The following CELF2 variants were observed in gnomAD, a reference collection of about 807,000 sequenced individuals.
CELF2 encodes CUGBP Elav-like family member 2.
A neutral mutation model predicts 62.6 loss-of-function variants in CELF2; 8 were observed. The ratio of observed to expected loss-of-function variants is 0.13; its 90% CI spans 0.07 to 0.23. The LOEUF is 0.23. Ranked by LOEUF, CELF2 falls within the 10% of genes least tolerant of loss-of-function variation. The pLI, the probability that CELF2 is intolerant of heterozygous loss-of-function variation, is 1.00. For missense variants in CELF2, 333 were observed against 671.0 expected, an observed-to-expected ratio of 0.50 and a Z score of 5.56; for synonymous variants, 258 against 250.0, an observed-to-expected ratio of 1.03 and a Z score of -0.30.
Position 10,832,910 on chromosome 10 carries a change from A to G in CELF2, c.53+34093A>G, listed in dbSNP as rs546315222. On this transcript the variant is annotated intron_variant, in intron 1 of 13. Coordinates refer to the CELF2 transcript ENST00000636488. ...CTGTTATGAAAACTGGCTTTCTCAG[A>G]TATCCAAGAATCACCTTAGGACAGC... Among the ~76,000 whole-genome samples, 4 of 152,294 alleles carry G rather than the reference A, an allele frequency of 2.6e-5. No homozygotes were observed. In the East Asian group the frequency reaches 7.7e-4, roughly 29 times the overall value.
intron 9 of CELF2, among the ~76,000 whole-genome samples, chr10:11,295,831 A>G (rs1044885162): frequency 3.3e-4 from 50 of 152,184 alleles, no homozygotes; most frequent in African/African-American, 1.2e-3. Flanking sequence ...AGGAGAGAGC[A>G]TGCAAACCCC....
At chr10:10,465,891 G>T in the CELF2 span, among the ~76,000 whole-genome samples, 6 of 152,104 alleles carry the variant, frequency 3.9e-5, no homozygotes, top group East Asian at 1.2e-3. Context: ...GGTTATACCT[G>T]CCCCATGATT....
the CELF2 span, among the ~76,000 whole-genome samples, chr10:10,557,217 G>T: frequency 7.2e-6 from 1 of 138,702 alleles, no homozygotes; most frequent in Non-Finnish European, 1.5e-5. Flanking sequence ...TGTATAAGGT[G>T]TAAGGAAGGG....
chr10:10,907,560 C>T (rs1361772417), intron 1 of CELF2, among the ~76,000 whole-genome samples: 1 of 152,212 alleles, frequency 6.6e-6, no homozygotes, highest in Non-Finnish European at 1.5e-5. Flanking sequence ...CACCCACACT[C>T]ATGAGATGAG....
chr10:10,853,425 A>T (rs2059511802), intron 1 of CELF2, among the ~76,000 whole-genome samples: 1 of 152,068 alleles, frequency 6.6e-6, no homozygotes, highest in South Asian at 2.1e-4. Context: ...TAGTGAAAAG[A>T]TCTGGGGAAT....
At chr10:10,978,472 T>C (rs923369994) in intron 2 of CELF2, among the ~76,000 whole-genome samples, 5 of 152,222 alleles carry the variant, frequency 3.3e-5, no homozygotes, top group Non-Finnish European at 5.9e-5. Context: ...CAAGAACAGA[T>C]ATAGCCCATG....
chr10:10,839,625 C>G (rs1435013182), intron 1 of CELF2, among the ~76,000 whole-genome samples: 1 of 152,180 alleles, frequency 6.6e-6, no homozygotes, highest in Non-Finnish European at 1.5e-5. Flanking sequence ...TCCTTCATAG[C>G]CTTTGGTGAG....
intron 2 of CELF2, among the ~76,000 whole-genome samples, chr10:11,197,449 A>G (rs1269655534): frequency 1.3e-5 from 2 of 152,368 alleles, no homozygotes; most frequent in African/African-American, 2.4e-5. Flanking sequence ...ATGGTCCCTT[A>G]TTAAATGTCA....
Position 11,243,992 on chromosome 10 carries a change from A to G in CELF2, c.355-5161A>G, listed in dbSNP as rs1446680044. Among the ~76,000 whole-genome samples, 1 of 152,028 alleles carries G rather than the reference A, an allele frequency of 6.6e-6. No homozygotes were observed. The highest frequency in any genetic ancestry group is 1.5e-5 in the Non-Finnish European group (1 of 67,980). The stretch of plus-strand genomic sequence containing the variant: ...TAGGTAGATTGAATTAGCGACCACC[A>G]CATCACCTGGGCCCTCCCCCGTCTC... On this transcript the variant is annotated intron_variant, in intron 3 of 12. Coordinates refer to ENST00000633077, the MANE Select transcript of CELF2 (RefSeq NM_001326342.2). The surrounding 1 kb of genome is among the most constrained non-coding windows in gnomAD (Gnocchi z 4.1).
At chr10:10,670,478 T>C in the CELF2 span, among the ~76,000 whole-genome samples, 1 of 152,152 alleles carries the variant, frequency 6.6e-6, no homozygotes, top group Non-Finnish European at 1.5e-5. Context: ...GACAAAAAGG[T>C]ACAAAGAATT....
chr10:11,132,875 A>G lies in CELF2; in HGVS notation c.75-32611A>G, dbSNP rs141294894. On this transcript the variant is annotated intron_variant, in intron 1 of 12. Coordinates refer to ENST00000633077, the MANE Select transcript of CELF2 (RefSeq NM_001326342.2). ...TGAAATTGCTTTGTTTTAAGCACCA[A>G]TAGAGTTTCTTGACCTCAAAACAGG... Among the ~76,000 whole-genome samples, 687 of 152,292 alleles carry G rather than the reference A, an allele frequency of 4.5e-3. 3 individuals carry two copies. Among genetic ancestry groups the G allele is most frequent in the African/African-American group, 0.016 (656 of 41,564 alleles).
In CELF2 at chr10:11,207,131, T is replaced by C. The variant is rs1352523004; in HGVS notation, c.272-10294T>C. ...TACCTTTTCTATCTGTGTCGTGCTT[T>C]GGTGGAATTTACATAATCATGGGTG... On this transcript the variant is annotated intron_variant, in intron 2 of 12. Coordinates refer to ENST00000633077, the MANE Select transcript of CELF2 (RefSeq NM_001326342.2). The surrounding 1 kb of genome is among the most constrained non-coding windows in gnomAD (Gnocchi z 4.1). Among the ~76,000 whole-genome samples the C allele has an allele frequency of 6.6e-6, 1 of 152,226 alleles. No homozygotes were observed. The highest frequency in any genetic ancestry group is 1.5e-5 in the Non-Finnish European group (1 of 68,032).
chr10:10,893,157 AT>A (rs1246043939), intron 1 of CELF2, among the ~76,000 whole-genome samples: 16 of 152,228 alleles, frequency 1.1e-4, no homozygotes, highest in Non-Finnish European at 1.9e-4. Flanking sequence ...CCAAATCCCA[AT>A]GAGGGCAGTC....
chr10:10,992,277 G>C (rs1203880579), intron 2 of CELF2, among the ~76,000 whole-genome samples: 3 of 152,196 alleles, frequency 2.0e-5, no homozygotes, highest in African/African-American at 7.2e-5. Context: ...TTTCAATTGT[G>C]AGTTGGGCTC....
the CELF2 span, among the ~76,000 whole-genome samples, chr10:10,466,439 T>G: frequency 6.6e-6 from 1 of 152,154 alleles, no homozygotes; most frequent in Non-Finnish European, 1.5e-5. Flanking sequence ...CAATAGTTTG[T>G]TCATCTGTTC....
At chr10:10,630,629 G>GTCCT in the CELF2 span, among the ~76,000 whole-genome samples, 1 of 152,258 alleles carries the variant, frequency 6.6e-6, no homozygotes, top group South Asian at 2.1e-4. Flanking sequence ...TAAAATGAGT[G>GTCCT]CATTTTGGAC....
intron 9 of CELF2, among the ~76,000 whole-genome samples, chr10:11,292,214 C>G (rs1026551405): frequency 1.3e-5 from 2 of 152,186 alleles, no homozygotes; most frequent in Non-Finnish European, 2.9e-5. Context: ...TGACAAACAC[C>G]AAGCTTCAAG....
rs1222695980 is a variant in CELF2 at position 10,934,248 on chromosome 10, AT to A, written c.89+14250del. Among the ~76,000 whole-genome samples the A allele has an allele frequency of 1.3e-5, 2 of 152,234 alleles. No homozygotes were observed. Among genetic ancestry groups the A allele is most frequent in the African/African-American group, 4.8e-5 (2 of 41,454 alleles). On this transcript the variant is annotated intron_variant, in intron 2 of 13. Coordinates refer to the CELF2 transcript ENST00000636488. This position sits in a 1 kb window ranked among gnomAD's most constrained non-coding sequence, Gnocchi z 4.4. ...TTCAAAGAGCACGTTAGCAAGGTTA[AT>A]CTGATGGTAATCTGTAACATCTATC...
rs139482821 is a variant in CELF2, at chr10:11,089,694, A to G, written c.74+71531A>G. 3.0e-3 allele frequency among the ~76,000 whole-genome samples: 461 copies of G among 152,310 alleles called. 3 individuals carry two copies. The highest frequency in any genetic ancestry group is 0.01 in the African/African-American group (435 of 41,566). On this transcript the variant is annotated intron_variant, in intron 1 of 12. Transcript: ENST00000633077. ...GGCATGAGAGGTATATCCAAAGGAG[A>G]AGAAATCACCCTACCAAAAATATAC...
Sources: allele counts gnomAD v4.1 joint callset (sites outside exome capture counted in the v4.1 genomes callset), GRCh38; gene constraint gnomAD v4.1.1; non-coding constraint Gnocchi (gnomAD v3.1); transcripts MANE v1.5; gene names NCBI Gene and HGNC (gene_info 2026-07-23, HGNC 2026-07-21).